ATP5ME: variants seen among roughly 807,000 people sequenced by gnomAD.
ATP5ME encodes the protein ATP synthase F(0) complex subunit e, mitochondrial.
A neutral mutation model predicts 11.6 loss-of-function variants in ATP5ME; 10 were observed. The ratio of observed to expected loss-of-function variants is 0.86; its 90% confidence interval spans 0.53 to 1.46. The LOEUF is 1.46. Ranked by LOEUF, ATP5ME falls within the 40% of genes most tolerant of loss-of-function variation. The pLI is 0.00. For missense variants in ATP5ME, 115 were observed against 85.4 expected, an observed-to-expected ratio of 1.35 and a Z score of -1.37; for synonymous variants, 45 against 33.5, an observed-to-expected ratio of 1.34 and a Z score of -1.19.
At chr4:672,938 G>A (rs1264108877) in intron 3 of ATP5ME, among the ~76,000 whole-genome samples, 1 of 152,200 alleles carries the variant, frequency 6.6e-6, no homozygotes, top group Non-Finnish European at 1.5e-5. Flanking sequence ...AGTAGAAATG[G>A]GGTTTCACCA....
chr4:672,596 ATTTTTT>A (rs367766081), intron 3 of ATP5ME, 77 bp from the exon 4 acceptor site: 474 of 1,132,748 alleles, frequency 4.2e-4, no homozygotes, highest in Middle Eastern at 6.1e-4. Context: ...CTTCCCAGTT[ATTTTTT>A]TTTTTTTTTT....
At chr4:673,550 C>T (rs1036084908) in intron 2 of ATP5ME, 149 bp from the exon 3 acceptor site, 2 of 1,402,430 alleles carry the variant, frequency 1.4e-6, no homozygotes, top group Non-Finnish European at 1.9e-6. Context: ...AACGCCTGAC[C>T]TTCACCCTGA....
Position 673,932 on chromosome 4 carries a change from G to A in ATP5ME, c.71C>T (p.Ala24Val). ...CTCACTGTAGCGCGTGGCTCCGTAG[G>A]CCACACCGAGGAACAGGGCGGAGTA... is the stretch of plus-strand genomic sequence containing the variant. ...GRYSALFLGV[A>V]YGATRYNYLK... The change falls in exon 2 of 4, where the codon GCC (alanine) becomes GTC (valine). Residue 24 changes from alanine to valine, a missense_variant. Ala to Val is a moderately conservative substitution (Grantham distance 64). Coordinates refer to ENST00000304312, the MANE Select transcript of ATP5ME (RefSeq NM_007100.4). 6.5e-7 allele frequency: 1 copy of A among 1,546,234 alleles called. No homozygotes were observed. Among genetic ancestry groups the A allele is most frequent in the Non-Finnish European group, 8.7e-7 (1 of 1,146,840 alleles).
intron 1 of ATP5ME, 67 bp downstream of exon 1, chr4:674,145 T>A (rs1241661873): frequency 9.7e-7 from 1 of 1,030,182 alleles, no homozygotes; most frequent in Non-Finnish European, 1.2e-6. Context: ...GCCCGCGGGG[T>A]CGGAGCTGCG....
At chr4:673,854 A>C in intron 2 of ATP5ME, 58 bp downstream of exon 2, 1 of 1,527,602 alleles carries the variant, frequency 6.5e-7, no homozygotes, top group Non-Finnish European at 8.8e-7. Flanking sequence ...CAAATAGCAC[A>C]GGAGCTCCAC....
chr4:673,068 G>C (rs551735926), intron 3 of ATP5ME, among the ~76,000 whole-genome samples: 1 of 152,224 alleles, frequency 6.6e-6, no homozygotes, highest in African/African-American at 2.4e-5. Context: ...AATTTTTGTA[G>C]AGACAGGGTT....
At position 673,400 on chromosome 4, in the gene ATP5ME, A is replaced by C. The variant is rs375900377; in HGVS notation, c.93T>G (p.Asn31Lys). 3 of 1,613,972 alleles carry C rather than the reference A, an allele frequency of 1.9e-6. No homozygotes were observed. The highest frequency in any genetic ancestry group is 2.7e-5 in the African/African-American group (2 of 74,910). ...LGVAYGATRYNYLKPRAEEER... is the reference protein window; with the variant it reads ...LGVAYGATRYKYLKPRAEEER... ...CCTCTTCTGCCCGAGGTTTTAGGTA[A>C]TCTGTTTGGCGGAATGCAGGAGAAT... is the stretch of plus-strand genomic sequence containing the variant. The change falls in exon 3 of 4, where the codon AAT (asparagine) becomes AAG (lysine). Residue 31 changes from asparagine (N) to lysine (K), a missense_variant and splice_region_variant. Transcript: ENST00000304312.
At chr4:672,999 C>A (rs1183666707) in intron 3 of ATP5ME, among the ~76,000 whole-genome samples, 1 of 152,248 alleles carries the variant, frequency 6.6e-6, no homozygotes, top group African/African-American at 2.4e-5. Flanking sequence ...CTGCCTGTCT[C>A]AGCCTCCCAA....
chr4:674,069 T>A (rs1446883862), intron 1 of ATP5ME, 103 bp from the exon 2 acceptor site: 1 of 568,976 alleles, frequency 1.8e-6, no homozygotes, highest in East Asian at 1.1e-4. Context: ...GCAGGAGGGG[T>A]GGGGGTCCGG....
At position 673,837 on chromosome 4, in the gene ATP5ME, A is replaced by G; in HGVS notation, c.91+75T>C. On this transcript the variant is annotated intron_variant, in intron 2 of 3. Coordinates refer to ENST00000304312, the MANE Select transcript of ATP5ME (RefSeq NM_007100.4). ...GTCCCAAGCCCCCTTCCAGAGCTGG[A>G]GTTCTCCAAATAGCACAGGAGCTCC... is the stretch of plus-strand genomic sequence containing the variant. 3.3e-6 allele frequency: 5 copies of G among 1,520,508 alleles called. No individual in the cohort carries two copies. In the South Asian group the frequency reaches 6.0e-5, roughly 18 times the overall value. 94.2% of individuals were successfully genotyped at this position (1,520,508 alleles called of 1,614,324 possible).
At position 673,303 on chromosome 4, in the gene ATP5ME, C is replaced by T. The variant is rs1288827496; in HGVS notation, c.190G>A (p.Asp64Asn). The change falls in exon 3 of 4, where the codon GAT becomes AAT. Residue 64 changes from aspartate to asparagine, a missense_variant and splice_region_variant. By Grantham distance (23) the Asp-to-Asn change is conservative. Coordinates refer to ENST00000304312, the MANE Select transcript of ATP5ME (RefSeq NM_007100.4). Reference protein sequence around the residue: ...LKRIARELAEDDSILK With the variant: ...LKRIARELAENDSILK ...CTATAAGAGCCAGTGTCACTCGTAC[C>T]TTCTGCCAATTCTCTGGCAATCCGT... The T allele has an allele frequency of 1.5e-5, 25 of 1,614,096 alleles. No homozygotes were observed. The highest frequency in any genetic ancestry group is 1.9e-5 in the Non-Finnish European group (23 of 1,180,028).
In ATP5ME at chr4:672,526, C is replaced by T; in HGVS notation, c.191-7G>A. The T allele has an allele frequency of 2.5e-6, 4 of 1,613,708 alleles. No individual in the cohort carries two copies. The highest frequency in any genetic ancestry group is 3.4e-6 in the Non-Finnish European group (4 of 1,179,920). ...CACTTTAATATGCTGTCATCTTGGG[C>T]CGGAAGGTTAGAAGAAAAGCACATG... On this transcript the variant is annotated splice_polypyrimidine_tract_variant and splice_region_variant and intron_variant, in intron 3 of 3. Transcript: ENST00000304312.
At chr4:673,822 C>T in intron 2 of ATP5ME, 90 bp downstream of exon 2, 1 of 1,491,030 alleles carries the variant, frequency 6.7e-7, no homozygotes, top group South Asian at 1.2e-5. Flanking sequence ...GTCCCAAGCC[C>T]CCTTCCAGAG....
In ATP5ME at chr4:674,256, T is replaced by G. The variant is rs560939418; in HGVS notation, c.-9A>C. On this transcript the variant is annotated 5_prime_UTR_variant, in exon 1 of 4. Coordinates refer to ENST00000304312, the MANE Select transcript of ATP5ME (RefSeq NM_007100.4). ...TGCACCGGTGGCACCATCTTGTCCCTGACCTCCGCACCGGAAGCACAACCT... is the reference window on the plus strand; with the variant it reads ...TGCACCGGTGGCACCATCTTGTCCCGGACCTCCGCACCGGAAGCACAACCT... 1.2e-6 allele frequency: 2 copies of G among 1,611,472 alleles called. No homozygotes were observed. The highest frequency in any genetic ancestry group is 1.3e-5 in the African/African-American group (1 of 74,964).
At chr4:674,021 CGCGGGAGGAGGGGGG>C in intron 1 of ATP5ME, 55 bp from the exon 2 acceptor site, 1 of 1,180,302 alleles carries the variant, frequency 8.5e-7, no homozygotes, top group South Asian at 1.3e-5. Flanking sequence ...GGACGGGGGT[CGCGGGAGGAGGGGGG>C]GCGGGGTCGC....
intron 3 of ATP5ME, among the ~76,000 whole-genome samples, chr4:672,754 G>A (rs941175285): frequency 6.6e-6 from 1 of 152,058 alleles, no homozygotes; most frequent in Non-Finnish European, 1.5e-5. Context: ...ATCATGCCTG[G>A]CTAATTTTTT....
At chr4:674,027 A>G (rs1577321806) in intron 1 of ATP5ME, 61 bp from the exon 2 acceptor site, 1 of 930,868 alleles carries the variant, frequency 1.1e-6, no homozygotes. Flanking sequence ...GGGTCGCGGG[A>G]GGAGGGGGGG....
rs757157366 is a variant in ATP5ME, at chr4:674,240, G to A, written c.8C>T (p.Pro3Leu). The change falls in exon 1 of 4, where the codon CCA (proline) becomes CTA (leucine). Residue 3 changes from proline to leucine, a missense_variant. Physicochemically the swap from Pro to Leu is moderately conservative, Grantham distance 98. Transcript: ENST00000304312. ...GATGAGCGGAGAGACCTGCACCGGT[G>A]GCACCATCTTGTCCCTGACCTCCGC... MV[P>L]PVQVSPLIKL... 1.9e-6 allele frequency: 3 copies of A among 1,611,794 alleles called. No individual in the cohort carries two copies. The highest frequency in any genetic ancestry group is 1.3e-5 in the African/African-American group (1 of 74,852).
intron 2 of ATP5ME, 45 bp downstream of exon 2, chr4:673,867 G>A: frequency 2.6e-6 from 4 of 1,543,160 alleles, no homozygotes; most frequent in Non-Finnish European, 3.5e-6. Flanking sequence ...AGCTCCACAG[G>A]AAAGCCGAGC....
Sources: allele counts gnomAD v4.1 joint callset (sites outside exome capture counted in the v4.1 genomes callset), GRCh38; gene constraint gnomAD v4.1.1; transcripts MANE v1.5; gene names NCBI Gene and HGNC (gene_info 2026-07-23, HGNC 2026-07-21).